CD109: variants seen among roughly 807,000 people sequenced by gnomAD.
CD109 encodes the protein CD109 antigen.
A neutral mutation model predicts 165.8 loss-of-function variants in CD109; 149 were observed. The ratio of observed to expected loss-of-function variants is 0.90; its 90% CI spans 0.79 to 1.03. The LOEUF (loss-of-function observed/expected upper bound fraction) is 1.03, where lower values mean the gene tolerates loss of function less well. Among genes scored for constraint, CD109 ranks in the 50% least tolerant of loss-of-function variants. The probability of loss-of-function intolerance (pLI) is 0.00; values close to 1 mark genes in which losing one functional copy is unlikely to be tolerated. For missense variants in CD109, 1,712 were observed against 1,677.8 expected (o/e 1.02, Z -0.36); for synonymous variants, 585 against 592.1 (o/e 0.99, Z 0.18).
rs1443507692 is a variant in CD109, at chr6:73,824,803, TTTTTC to T, written c.*1178_*1182del. The T allele has an allele frequency of 1.3e-5, 2 of 152,174 alleles. No individual in the cohort carries two copies. Among genetic ancestry groups the T allele is most frequent in the East Asian group, 1.9e-4 (1 of 5,198 alleles). 9.4% of individuals were successfully genotyped at this position (152,174 alleles called of 1,614,324 possible). A position where few individuals can be genotyped will look rare whatever the true frequency, so the allele number is the denominator to read the frequency against. On this transcript the variant is annotated 3_prime_UTR_variant, in exon 33 of 33. Coordinates refer to ENST00000287097, the MANE Select transcript of CD109 (RefSeq NM_133493.5). ...GGAAATTTTAAAGATGAATCCCCCT[TTTTTC>T]TTTTCTTCTCTCTTTTCTTTCCTTC...
intron 19 of CD109, 62 bp from the exon 20 acceptor site, chr6:73,785,302 T>A (rs891646698): frequency 3.4e-5 from 29 of 855,878 alleles, no homozygotes; most frequent in Middle Eastern, 5.1e-4. Context: ...TTGCATTTAA[T>A]TGCATAAAAT....
rs186411614 is a variant in CD109, at chr6:73,757,366, A to G, written c.673+684A>G. 3.9e-5 allele frequency among the ~76,000 whole-genome samples: 6 copies of G among 152,350 alleles called. No individual in the cohort carries two copies. In the East Asian group the frequency reaches 1.2e-3, roughly 29 times the overall value. ...TGTTACTACTCAATTTTGCCGTGGT[A>G]GCATGAGAGCAGCCAAAGATAATAT... On this transcript the variant is annotated intron_variant, in intron 6 of 32. Coordinates refer to ENST00000287097, the MANE Select transcript of CD109 (RefSeq NM_133493.5).
chr6:73,803,246 A>G lies in CD109; in HGVS notation c.2905A>G (p.Arg969Gly). The G allele has an allele frequency of 6.2e-7, 1 of 1,610,972 alleles. No homozygotes were observed. The highest frequency in any genetic ancestry group is 1.1e-5 in the South Asian group (1 of 90,260). Residue 969 changes from arginine (R) to glycine (G), a missense_variant, in exon 24 of 33, where the codon AGG becomes GGG. By Grantham distance (125) the Arg-to-Gly change is moderately radical. Coordinates refer to ENST00000287097, the MANE Select transcript of CD109 (RefSeq NM_133493.5). ...QGYQRELLYQ[R>G]EDGSFSAFGN... ...TTACCAGAGAGAACTTCTCTATCAG[A>G]GGGAAGATGGCTCTTTCAGTGCTTT...
chr6:73,687,692 A>T, the CD109 span, among the ~76,000 whole-genome samples: 2 of 152,162 alleles, frequency 1.3e-5, no homozygotes, highest in African/African-American at 4.8e-5. Context: ...TATTCTACCC[A>T]TCCTTGACTT....
chr6:73,729,596 T>A (rs1445396179), intron 3 of CD109, among the ~76,000 whole-genome samples: 2 of 151,786 alleles, frequency 1.3e-5, no homozygotes, highest in Non-Finnish European at 2.9e-5. Context: ...CTCGGCTCAC[T>A]GCAACCTCCA....
intron 16 of CD109, 89 bp downstream of exon 16, chr6:73,780,587 C>A: frequency 1.2e-6 from 1 of 839,614 alleles, no homozygotes; most frequent in Non-Finnish European, 2.0e-6. Flanking sequence ...GAGATGTTAA[C>A]CTTTTATTAA....
chr6:73,697,988 C>A (rs1489849269), intron 2 of CD109, among the ~76,000 whole-genome samples: 5 of 152,136 alleles, frequency 3.3e-5, no homozygotes, highest in Non-Finnish European at 7.3e-5. Context: ...AGGAAATGGG[C>A]TAGTCTCTAA....
Position 73,810,179 on chromosome 6 carries a change from G to C in CD109, c.3546+5G>C. On this transcript the variant is annotated splice_donor_5th_base_variant and intron_variant, in intron 27 of 32. Coordinates refer to ENST00000287097, the MANE Select transcript of CD109 (RefSeq NM_133493.5). ...GGTGGTTTTGCATCTACTCAGGTGA[G>C]AGATGATAGTTTTTTCCCTTTAAAC... 6.6e-7 allele frequency: 1 copy of C among 1,516,684 alleles called. No individual in the cohort carries two copies. The allele number at this position is 1,516,684 out of a possible 1,614,324, so 94.0% of individuals were successfully genotyped here. A position where few individuals can be genotyped will look rare whatever the true frequency, so the allele number is the denominator to read the frequency against.
chr6:73,695,490 C>T (rs1429903223), upstream of CD109: 4 of 151,882 alleles, frequency 2.6e-5, no homozygotes, highest in East Asian at 7.7e-4. Context: ...AATTTTTTTT[C>T]AGGGTTCCAA....
intron 5 of CD109, among the ~76,000 whole-genome samples, chr6:73,737,468 G>A (rs767242500): frequency 7.5e-4 from 22 of 29,298 alleles, no homozygotes; most frequent in Admixed American, 6.3e-3. Flanking sequence ...AAGCTCTACC[G>A]AATGAATGTA....
chr6:73,808,378 A>G, intron 26 of CD109, 130 bp downstream of exon 26: 2 of 879,542 alleles, frequency 2.3e-6, no homozygotes, highest in Admixed American at 5.5e-5. Flanking sequence ...ACATAATGAG[A>G]TCAGGATGGG....
intron 2 of CD109, among the ~76,000 whole-genome samples, chr6:73,712,458 T>A (rs1771574723): frequency 1.3e-5 from 2 of 152,182 alleles, no homozygotes; most frequent in African/African-American, 4.8e-5. Flanking sequence ...TATATATATA[T>A]CTAGTGGAAA....
chr6:73,812,164 T>A (rs781497590), intron 28 of CD109, 41 bp from the exon 29 acceptor site: 1 of 1,365,370 alleles, frequency 7.3e-7, no homozygotes, highest in Non-Finnish European at 1.0e-6. Flanking sequence ...GATCTAGATA[T>A]GGAAAATTAG....
Position 73,820,579 on chromosome 6 carries a change from A to G in CD109, c.4162+16A>G. 1.5e-6 allele frequency: 2 copies of G among 1,377,230 alleles called. No individual in the cohort carries two copies. The highest frequency in any genetic ancestry group is 2.0e-6 in the Non-Finnish European group (2 of 980,028). The allele number at this position is 1,377,230 out of a possible 1,614,324, so 85.3% of individuals were successfully genotyped here. A position where few individuals can be genotyped will look rare whatever the true frequency, so the allele number is the denominator to read the frequency against. On this transcript the variant is annotated intron_variant, in intron 32 of 32. Coordinates refer to ENST00000287097, the MANE Select transcript of CD109 (RefSeq NM_133493.5). ...TATGAGCCAAGTAAGTATGCTCTGG[A>G]GTTCTTAATACTTTAGAAATTAAGC...
Position 73,707,005 on chromosome 6 carries a change from G to A in CD109, c.247+9433G>A, listed in dbSNP as rs573369343. On this transcript the variant is annotated intron_variant, in intron 2 of 32. Transcript: ENST00000287097. ...AGCACCAAATTGCCTATGGCACAAT[G>A]CTGGGTGACATAAATATTTGGTGAC... Among the ~76,000 whole-genome samples, 3 of 152,352 alleles carry A rather than the reference G, an allele frequency of 2.0e-5. No individual in the cohort carries two copies. The South Asian group carries it at 6.2e-4, about 32-fold the overall frequency.
In CD109 at chr6:73,787,398, C is replaced by T. The variant is rs143756315; in HGVS notation, c.2502C>T (p.Val834=). 6.2e-7 allele frequency: 1 copy of T among 1,614,026 alleles called. No individual in the cohort carries two copies. Residue 834 remains valine (V), a synonymous_variant, in exon 21 of 33, where the codon GTC becomes GTT. Transcript: ENST00000287097. ...ATCTGGGAGAAATTCCTATCACAGT[C>T]ACAGCTCTTTCACCCACTGCTTCTG... is the stretch of plus-strand genomic sequence containing the variant. ...PTHLGEIPIT[V]TALSPTASDA...
intron 15 of CD109, among the ~76,000 whole-genome samples, 198 bp from the exon 16 acceptor site, chr6:73,780,226 G>A (rs1357075809): frequency 2.6e-5 from 4 of 152,148 alleles, no homozygotes; most frequent in African/African-American, 9.7e-5. Flanking sequence ...GCTGAACAGA[G>A]TAAAAGTAAG....
intron 5 of CD109, among the ~76,000 whole-genome samples, chr6:73,737,881 G>A (rs1180907173): frequency 6.6e-6 from 1 of 152,148 alleles, no homozygotes; most frequent in East Asian, 1.9e-4. Flanking sequence ...GTTTAAAGTA[G>A]TTTGAATATT....
rs577598100 is a variant in CD109, at chr6:73,761,014, A to AACACACAC, written c.759-1320_759-1313dup. 7.6e-4 allele frequency among the ~76,000 whole-genome samples: 94 copies of AACACACAC among 124,406 alleles called. 1 individual carries two copies. Among genetic ancestry groups the AACACACAC allele is most frequent in the African/African-American group, 1.9e-3 (60 of 31,672 alleles). The allele number at this position is 124,406 out of a possible 152,430, so 81.6% of individuals were successfully genotyped here. ...GGGTGACAGAGTGAGACTGTGTCTA[A>AACACACAC]ACACACACACACACACACACACACA... is the stretch of plus-strand genomic sequence containing the variant. On this transcript the variant is annotated intron_variant, in intron 7 of 32. Coordinates refer to ENST00000287097, the MANE Select transcript of CD109 (RefSeq NM_133493.5).
Sources: allele counts gnomAD v4.1 joint callset (sites outside exome capture counted in the v4.1 genomes callset), GRCh38; gene constraint gnomAD v4.1.1; transcripts MANE v1.5; gene names NCBI Gene and HGNC (gene_info 2026-07-23, HGNC 2026-07-21).